The following FLNB variants were observed in gnomAD, a reference collection of about 807,000 sequenced individuals.
FLNB encodes the protein filamin-B.
FLNB carries 111 observed loss-of-function variants against 250.6 expected under a neutral mutation model. The ratio of observed to expected loss-of-function variants is 0.44; its 90% CI spans 0.38 to 0.52. FLNB has a LOEUF of 0.52. FLNB is among the 20% of genes least tolerant of loss of function. The pLI is 0.00. For missense variants in FLNB, 2,869 were observed against 3,447.8 expected (o/e 0.83, Z 4.20); for synonymous variants, 1,302 against 1,372.1 (o/e 0.95, Z 1.13).
chr3:58,044,031 G>A (rs551051620), intron 1 of FLNB, among the ~76,000 whole-genome samples: 60 of 152,312 alleles, frequency 3.9e-4, no homozygotes, highest in African/African-American at 1.4e-3. Context: ...AGGCAACGGG[G>A]CTGCCCTGCA....
At chr3:58,132,658 G>A in intron 25 of FLNB, 150 bp from the exon 26 acceptor site, 1 of 927,914 alleles carries the variant, frequency 1.1e-6, no homozygotes, top group East Asian at 2.5e-5. Flanking sequence ...ATTTTTTTCA[G>A]GCCTGTGATT....
rs2097336532 is a variant in FLNB at position 58,146,817 on chromosome 3, T to C, written c.5555-3T>C. On this transcript the variant is annotated splice_region_variant and splice_polypyrimidine_tract_variant and intron_variant, in intron 33 of 45. Transcript: ENST00000295956. ...ACCCCTGCATCCCTGTTCCCACTTGTAGGTGGTCTGGACTTGGCTATTGAG... is the reference window on the plus strand; with the variant it reads ...ACCCCTGCATCCCTGTTCCCACTTGCAGGTGGTCTGGACTTGGCTATTGAG... The C allele has an allele frequency of 1.9e-6, 3 of 1,614,028 alleles. No homozygotes were observed.
chr3:58,122,144 G>A (rs186912646), intron 20 of FLNB, among the ~76,000 whole-genome samples: 1 of 141,444 alleles, frequency 7.1e-6, no homozygotes, highest in African/African-American at 2.7e-5. Flanking sequence ...ACTCCAGCCT[G>A]GGCGACAGAG....
intron 1 of FLNB, among the ~76,000 whole-genome samples, chr3:58,045,374 C>T (rs2097152226): frequency 6.6e-6 from 1 of 152,174 alleles, no homozygotes; most frequent in East Asian, 1.9e-4. Flanking sequence ...GCCTGTCCAA[C>T]CCACAGACTG....
intron 8 of FLNB, among the ~76,000 whole-genome samples, chr3:58,101,838 A>T (rs958227898): frequency 6.6e-6 from 1 of 152,240 alleles, no homozygotes; most frequent in African/African-American, 2.4e-5. Flanking sequence ...CTATCCAATT[A>T]CTGAGCCCTT....
chr3:58,033,275 C>T (rs2097133482), intron 1 of FLNB, among the ~76,000 whole-genome samples: 1 of 152,158 alleles, frequency 6.6e-6, no homozygotes, highest in Non-Finnish European at 1.5e-5. Flanking sequence ...TAATTCTTGC[C>T]TTTTATCTCT....
chr3:58,063,044 G>A (rs544225437), intron 1 of FLNB, among the ~76,000 whole-genome samples: 19 of 152,254 alleles, frequency 1.2e-4, no homozygotes, highest in African/African-American at 4.6e-4. Context: ...AGGGAGTTAC[G>A]ACTCTCATTT....
intron 42 of FLNB, among the ~76,000 whole-genome samples, chr3:58,161,139 C>T (rs1311979999): frequency 6.6e-6 from 1 of 152,142 alleles, no homozygotes; most frequent in African/African-American, 2.4e-5. Flanking sequence ...AGCTGGTGCT[C>T]CCAGAGTGGT....
intron 1 of FLNB, among the ~76,000 whole-genome samples, chr3:58,031,145 T>G (rs1404568849): frequency 6.6e-6 from 1 of 152,164 alleles, no homozygotes; most frequent in Admixed American, 6.5e-5. Flanking sequence ...TTCAACTCTT[T>G]GTAGTGTTTT....
intron 1 of FLNB, among the ~76,000 whole-genome samples, chr3:58,050,289 A>G (rs1251338888): frequency 1.3e-5 from 2 of 152,036 alleles, no homozygotes; most frequent in Non-Finnish European, 2.9e-5. Context: ...CGGCCTCCCA[A>G]AGTGCTGGGA....
chr3:58,164,743 T>G lies in FLNB; in HGVS notation c.7198+1413T>G, dbSNP rs1333636262. The G allele has an allele frequency of 1.3e-5, 2 of 152,174 alleles. No individual in the cohort carries two copies. The highest frequency in any genetic ancestry group is 2.9e-5 in the Non-Finnish European group (2 of 68,026). The allele number at this position is 152,174 out of a possible 1,614,324, so 9.4% of individuals were successfully genotyped here. On this transcript the variant is annotated intron_variant, in intron 43 of 45. Transcript: ENST00000295956. The surrounding 1 kb of genome is among the most constrained non-coding windows in gnomAD (Gnocchi z 4.0). ...GAACTCTGGGCCTGCGGCTTGCCTT[T>G]TGTGAAAGGCATGGTATCATTTTAC...
At chr3:58,083,444 G>A (rs1321479801) in intron 4 of FLNB, among the ~76,000 whole-genome samples, 1 of 143,826 alleles carries the variant, frequency 7.0e-6, no homozygotes, top group Non-Finnish European at 1.5e-5. Context: ...TCAGCTCACT[G>A]CAACCTCTGC....
intron 1 of FLNB, among the ~76,000 whole-genome samples, chr3:58,059,917 GTGGATTC>G (rs2097175606): frequency 6.6e-6 from 1 of 152,230 alleles, no homozygotes; most frequent in Non-Finnish European, 1.5e-5. Flanking sequence ...ATAGCCAACA[GTGGATTC>G]TGGAGTCATG....
At chr3:58,160,069 TACAC>T (rs1206494115) in intron 42 of FLNB, among the ~76,000 whole-genome samples, 1 of 152,012 alleles carries the variant, frequency 6.6e-6, no homozygotes, top group Non-Finnish European at 1.5e-5. Flanking sequence ...AAAAAACACA[TACAC>T]ACAACACAAA....
intron 1 of FLNB, among the ~76,000 whole-genome samples, chr3:58,009,334 G>A (rs1360491870): frequency 6.6e-6 from 1 of 152,154 alleles, no homozygotes; most frequent in East Asian, 1.9e-4. Flanking sequence ...AGGAGGAACC[G>A]TTCTCTGCGC....
chr3:58,168,784 AAAT>A (rs1575484447), intron 44 of FLNB, 126 bp downstream of exon 44: 2 of 749,092 alleles, frequency 2.7e-6, no homozygotes, highest in East Asian at 5.3e-5. Context: ...GAATGTCAGT[AAAT>A]AGTATGAGAT....
intron 1 of FLNB, among the ~76,000 whole-genome samples, chr3:58,073,481 A>C (rs1466286828): frequency 6.6e-6 from 1 of 152,128 alleles, no homozygotes; most frequent in Non-Finnish European, 1.5e-5. Flanking sequence ...AGGACCTCAA[A>C]AGGAGGGCTG....
intron 1 of FLNB, among the ~76,000 whole-genome samples, chr3:58,015,676 G>T (rs1026342945): frequency 6.6e-6 from 1 of 152,144 alleles, no homozygotes; most frequent in Non-Finnish European, 1.5e-5. Flanking sequence ...TGTTAAAAAT[G>T]CAGGTCTGAT....
intron 20 of FLNB, among the ~76,000 whole-genome samples, chr3:58,122,210 T>C (rs2097290198): frequency 6.7e-6 from 1 of 149,180 alleles, no homozygotes; most frequent in African/African-American, 2.5e-5. Context: ...ACATTATTCT[T>C]GGCTGGGCGC....
Sources: allele counts gnomAD v4.1 joint callset (sites outside exome capture counted in the v4.1 genomes callset), GRCh38; gene constraint gnomAD v4.1.1; non-coding constraint Gnocchi (gnomAD v3.1); transcripts MANE v1.5; gene names NCBI Gene and HGNC (gene_info 2026-07-23, HGNC 2026-07-21).